CTNNA3: variants seen among roughly 807,000 people sequenced by gnomAD.
CTNNA3 encodes the protein catenin alpha-3.
A neutral mutation model predicts 95.7 loss-of-function variants in CTNNA3; 76 were observed. The observed-to-expected ratio is 0.79, with a 90% CI of 0.66 to 0.96. CTNNA3 has a LOEUF of 0.96. Among genes scored for constraint, CTNNA3 ranks in the 40% least tolerant of loss-of-function variants. The probability of loss-of-function intolerance (pLI) is 0.00; values close to 1 mark genes in which losing one functional copy is unlikely to be tolerated. For missense variants in CTNNA3, 1,191 were observed against 1,089.8 expected (o/e 1.09, Z -1.31); for synonymous variants, 431 against 374.4 (o/e 1.15, Z -1.74).
chr10:67,586,240 A>T (rs1842621070), intron 3 of CTNNA3, among the ~76,000 whole-genome samples: 1 of 152,106 alleles, frequency 6.6e-6, no homozygotes, highest in Admixed American at 6.6e-5. Flanking sequence ...TTGCAGCCTA[A>T]TATATGGTCT....
chr10:66,722,667 G>A (rs114080590), intron 9 of CTNNA3, among the ~76,000 whole-genome samples: 3 of 151,864 alleles, frequency 2.0e-5, no homozygotes, highest in African/African-American at 7.2e-5. Context: ...AACCAAATTT[G>A]TGGTTCTAAA....
intron 12 of CTNNA3, among the ~76,000 whole-genome samples, chr10:66,307,248 G>A (rs1441108738): frequency 6.6e-6 from 1 of 152,120 alleles, no homozygotes; most frequent in Non-Finnish European, 1.5e-5. Context: ...TCATAAAGGA[G>A]TGCATGTTGA....
chr10:67,694,714 A>C (rs190386356), intron 1 of CTNNA3, among the ~76,000 whole-genome samples: 1 of 152,232 alleles, frequency 6.6e-6, no homozygotes, highest in East Asian at 1.9e-4. Flanking sequence ...CAAGGTTCCA[A>C]ATTTTATCTA....
intron 5 of CTNNA3, among the ~76,000 whole-genome samples, chr10:67,268,308 A>T (rs528654646): frequency 4.7e-5 from 6 of 126,880 alleles, no homozygotes; most frequent in Non-Finnish European, 9.5e-5. Context: ...CTCTACAAAA[A>T]TAAATTAAAT....
At chr10:66,407,729 C>T (rs1161017335) in intron 11 of CTNNA3, among the ~76,000 whole-genome samples, 1 of 151,986 alleles carries the variant, frequency 6.6e-6, no homozygotes, top group African/African-American at 2.4e-5. Flanking sequence ...TAAAGGTGCC[C>T]ACCACCATGC....
intron 5 of CTNNA3, among the ~76,000 whole-genome samples, chr10:67,413,599 G>T (rs997069180): frequency 2.0e-5 from 3 of 151,682 alleles, no homozygotes; most frequent in Non-Finnish European, 4.4e-5. Flanking sequence ...GGCCTATAAA[G>T]CACTCCATCC....
At chr10:66,987,375 T>C (rs144919955) in intron 7 of CTNNA3, among the ~76,000 whole-genome samples, 1 of 152,264 alleles carries the variant, frequency 6.6e-6, no homozygotes, top group East Asian at 1.9e-4. Flanking sequence ...GGACTTATAT[T>C]TGAAGGTAGA....
chr10:67,232,219 C>A (rs1478894372), intron 5 of CTNNA3, among the ~76,000 whole-genome samples: 4 of 152,026 alleles, frequency 2.6e-5, no homozygotes, highest in African/African-American at 9.7e-5. Flanking sequence ...TCAGATTCAC[C>A]AAAGTTAAAA....
intron 15 of CTNNA3, among the ~76,000 whole-genome samples, chr10:66,039,579 A>T (rs1342918624): frequency 6.6e-6 from 1 of 152,150 alleles, no homozygotes; most frequent in Non-Finnish European, 1.5e-5. Flanking sequence ...CTGCCCACAC[A>T]CCTACAACCA....
At chr10:66,476,566 T>C (rs2131889248) in intron 11 of CTNNA3, among the ~76,000 whole-genome samples, 1 of 152,234 alleles carries the variant, frequency 6.6e-6, no homozygotes, top group Admixed American at 6.5e-5. Flanking sequence ...TAGTGTTTAT[T>C]TTTGTTATGT....
intron 5 of CTNNA3, among the ~76,000 whole-genome samples, chr10:67,425,864 T>C (rs549783856): frequency 9.9e-5 from 15 of 152,180 alleles, no homozygotes; most frequent in Middle Eastern, 3.4e-3. Flanking sequence ...CTATGGTGTT[T>C]TCCAACCACA....
intron 3 of CTNNA3, among the ~76,000 whole-genome samples, chr10:67,595,075 T>A (rs1332284402): frequency 6.6e-6 from 1 of 152,222 alleles, no homozygotes; most frequent in Non-Finnish European, 1.5e-5. Context: ...TCCTTTTATG[T>A]CTGAGTAGAA....
chr10:66,879,809 G>A (rs893749806), intron 7 of CTNNA3, among the ~76,000 whole-genome samples: 1 of 152,040 alleles, frequency 6.6e-6, no homozygotes, highest in African/African-American at 2.4e-5. Context: ...GTTTAGAAAA[G>A]CATGAGTTTA....
chr10:65,965,229 C>T (rs938831348), intron 17 of CTNNA3, among the ~76,000 whole-genome samples: 3 of 151,982 alleles, frequency 2.0e-5, no homozygotes, highest in Non-Finnish European at 4.4e-5. Flanking sequence ...GAATCATAGA[C>T]CTTTGAAGGT....
chr10:67,060,561 T>C (rs932063915), intron 7 of CTNNA3, among the ~76,000 whole-genome samples: 2 of 152,184 alleles, frequency 1.3e-5, no homozygotes, highest in African/African-American at 4.8e-5. Context: ...GATAACACAT[T>C]CTAGTTCATG....
chr10:66,011,577 T>G (rs1017052622), intron 15 of CTNNA3, among the ~76,000 whole-genome samples: 14 of 152,204 alleles, frequency 9.2e-5, no homozygotes, highest in African/African-American at 3.4e-4. Context: ...CAGAGATTAT[T>G]AGCCCCAATT....
chr10:66,039,749 A>T (rs1212464034), intron 15 of CTNNA3, among the ~76,000 whole-genome samples: 1 of 152,210 alleles, frequency 6.6e-6, no homozygotes. Flanking sequence ...TCAAAGACTT[A>T]AAGAAAAAAC....
At chr10:66,184,746 T>C (rs749243907) in intron 13 of CTNNA3, among the ~76,000 whole-genome samples, 5 of 152,204 alleles carry the variant, frequency 3.3e-5, no homozygotes, top group Non-Finnish European at 5.9e-5. Context: ...TATAAAATTG[T>C]TATATCATCC....
At chr10:67,322,972 T>C (rs951489389) in intron 5 of CTNNA3, among the ~76,000 whole-genome samples, 1 of 152,226 alleles carries the variant, frequency 6.6e-6, no homozygotes, top group African/African-American at 2.4e-5. Context: ...TAATGATCAG[T>C]GATTTTAAGC....
Sources: allele counts gnomAD v4.1 joint callset (sites outside exome capture counted in the v4.1 genomes callset), GRCh38; gene constraint gnomAD v4.1.1; transcripts MANE v1.5; gene names NCBI Gene and HGNC (gene_info 2026-07-23, HGNC 2026-07-21).